The following PPP2R2B variants were observed in gnomAD, a reference collection of about 807,000 sequenced individuals.
The protein encoded by PPP2R2B is protein phosphatase 2 regulatory subunit Bbeta, also known as serine/threonine-protein phosphatase 2A 55 kDa regulatory subunit B beta isoform.
A neutral mutation model predicts 46.0 loss-of-function variants in PPP2R2B; 5 were observed. The observed-to-expected ratio is 0.11, with a 90% CI of 0.06 to 0.23. PPP2R2B has a LOEUF of 0.23. Ranked by LOEUF, PPP2R2B falls within the 10% of genes least tolerant of loss-of-function variation. PPP2R2B has a pLI of 1.00. For synonymous variants in PPP2R2B, 215 were observed against 206.7 expected (o/e 1.04, Z -0.34); for missense variants, 367 against 575.0 (o/e 0.64, Z 3.70).
At chr5:146,976,470 T>C (rs1752911018) in intron 1 of PPP2R2B, among the ~76,000 whole-genome samples, 1 of 152,048 alleles carries the variant, frequency 6.6e-6, no homozygotes, top group South Asian at 2.1e-4. Context: ...TCCATTTAGG[T>C]CTTTGATTCA....
intron 1 of PPP2R2B, among the ~76,000 whole-genome samples, chr5:147,049,916 AG>A (rs1756723384): frequency 6.6e-6 from 1 of 152,202 alleles, no homozygotes; most frequent in African/African-American, 2.4e-5. Flanking sequence ...AAAGAGGAGC[AG>A]GTGATGGGGC....
intron 1 of PPP2R2B, among the ~76,000 whole-genome samples, chr5:147,042,772 G>A (rs1451910014): frequency 2.0e-5 from 3 of 152,240 alleles, no homozygotes; most frequent in Non-Finnish European, 4.4e-5. Flanking sequence ...AGTGATGGGA[G>A]GTGTGCTTTT....
At chr5:146,773,848 T>C (rs1755016564) in intron 2 of PPP2R2B, among the ~76,000 whole-genome samples, 1 of 152,214 alleles carries the variant, frequency 6.6e-6, no homozygotes. Context: ...GAATTATTTA[T>C]ATAATTAATC....
At chr5:146,825,998 A>G (rs1198875971) in intron 2 of PPP2R2B, among the ~76,000 whole-genome samples, 2 of 152,222 alleles carry the variant, frequency 1.3e-5, no homozygotes, top group Non-Finnish European at 1.5e-5. Context: ...AGTTATAGAT[A>G]TAAGAAGAAT....
At chr5:146,989,973 T>A (rs533734484) in intron 1 of PPP2R2B, among the ~76,000 whole-genome samples, 1 of 150,694 alleles carries the variant, frequency 6.6e-6, no homozygotes, top group East Asian at 1.9e-4. Context: ...GAAAAAGAAA[T>A]CAAGAAAGCA....
At chr5:147,006,873 C>T (rs185635574) in intron 1 of PPP2R2B, among the ~76,000 whole-genome samples, 86 of 151,986 alleles carry the variant, frequency 5.7e-4, no homozygotes, top group Middle Eastern at 3.4e-3. Context: ...TATGAGATGC[C>T]GCCCGGTGTT....
chr5:146,883,716 G>A (rs1762238737), upstream of PPP2R2B, among the ~76,000 whole-genome samples: 1 of 152,186 alleles, frequency 6.6e-6, no homozygotes, highest in Admixed American at 6.5e-5. Context: ...TGAATTTCTA[G>A]CAAGTTTGCA....
At chr5:147,056,630 A>G (rs572341218), upstream of PPP2R2B, among the ~76,000 whole-genome samples, 20 of 152,364 alleles carry the variant, frequency 1.3e-4, no homozygotes, top group African/African-American at 4.6e-4. Flanking sequence ...TACAAGGATT[A>G]CACAACTTTA....
chr5:146,690,573 G>A (rs1436896116), intron 5 of PPP2R2B, among the ~76,000 whole-genome samples: 3 of 152,206 alleles, frequency 2.0e-5, no homozygotes, highest in African/African-American at 7.2e-5. Flanking sequence ...CAGCCATAGA[G>A]GAAGGGTTTT....
chr5:147,053,882 C>G (rs1360805881), intron 1 of PPP2R2B, among the ~76,000 whole-genome samples: 1 of 152,184 alleles, frequency 6.6e-6, no homozygotes, highest in Non-Finnish European at 1.5e-5. Context: ...TACCTTGGTA[C>G]ATAACCCATG....
intron 7 of PPP2R2B, among the ~76,000 whole-genome samples, chr5:146,608,801 T>C (rs1159726335): frequency 4.6e-5 from 7 of 152,016 alleles, no homozygotes; most frequent in African/African-American, 1.7e-4. Flanking sequence ...AAACAAGACA[T>C]GTAGCACAGT....
At chr5:146,830,975 T>C (rs1363122563) in intron 2 of PPP2R2B, among the ~76,000 whole-genome samples, 2 of 152,192 alleles carry the variant, frequency 1.3e-5, no homozygotes, top group East Asian at 1.9e-4. Flanking sequence ...GCAGCCATCA[T>C]AATGCCAGAG....
At chr5:147,021,684 A>G (rs563968395) in intron 1 of PPP2R2B, among the ~76,000 whole-genome samples, 1 of 152,334 alleles carries the variant, frequency 6.6e-6, no homozygotes, top group Admixed American at 6.5e-5. Flanking sequence ...CCTTAAAAGG[A>G]GCATGATTAT....
chr5:146,747,382 C>T (rs1753259008), intron 2 of PPP2R2B, among the ~76,000 whole-genome samples: 1 of 152,092 alleles, frequency 6.6e-6, no homozygotes, highest in Admixed American at 6.5e-5. Flanking sequence ...CCTATAATTC[C>T]CAATTTATGC....
chr5:146,857,188 G>A (rs1244960213), intron 2 of PPP2R2B, among the ~76,000 whole-genome samples: 1 of 152,094 alleles, frequency 6.6e-6, no homozygotes, highest in Non-Finnish European at 1.5e-5. Context: ...TATGCAATAG[G>A]AACTATTCAG....
rs1302313001 is a variant in PPP2R2B, at chr5:146,615,393, C to A, written c.791-14933G>T. ...GGGAGGGATAGCATTGGGAGATATA[C>A]CTAATGCTAGATGACACGTTAGTGG... On this transcript the variant is annotated intron_variant, in intron 7 of 9. Transcript: ENST00000394411. 5.5e-3 allele frequency among the ~76,000 whole-genome samples: 591 copies of A among 106,776 alleles called. 4 individuals are homozygous for A. The highest frequency in any genetic ancestry group is 8.9e-3 in the Non-Finnish European group (486 of 54,402). 70.0% of individuals were successfully genotyped at this position (106,776 alleles called of 152,430 possible).
intron 1 of PPP2R2B, among the ~76,000 whole-genome samples, chr5:146,909,561 C>T (rs1316881381): frequency 6.6e-6 from 1 of 152,170 alleles, no homozygotes; most frequent in Non-Finnish European, 1.5e-5. Flanking sequence ...ACCAGGCTTT[C>T]CAAAATATAG....
intron 1 of PPP2R2B, among the ~76,000 whole-genome samples, chr5:146,988,198 A>G (rs1753522085): frequency 6.6e-6 from 1 of 152,018 alleles, no homozygotes; most frequent in Non-Finnish European, 1.5e-5. Flanking sequence ...AACTTCAGCA[A>G]TGAACAAATC....
At chr5:146,981,418 G>T (rs528587901) in intron 1 of PPP2R2B, among the ~76,000 whole-genome samples, 6 of 152,044 alleles carry the variant, frequency 3.9e-5, no homozygotes, top group East Asian at 3.9e-4. Context: ...ATTACTTAAA[G>T]AATTTTTTTC....
Sources: allele counts gnomAD v4.1 joint callset (sites outside exome capture counted in the v4.1 genomes callset), GRCh38; gene constraint gnomAD v4.1.1; transcripts MANE v1.5; gene names NCBI Gene and HGNC (gene_info 2026-07-23, HGNC 2026-07-21).